Variants in PEX6 observed in about 807,000 individuals in gnomAD.
PEX6 encodes the protein peroxisome biogenesis factor 6.
In PEX6, 55 loss-of-function variants were observed where a neutral mutation model predicts 85.6. The observed-to-expected ratio is 0.64, with a 90% CI of 0.52 to 0.80. The LOEUF is 0.80. Among genes scored for constraint, PEX6 ranks in the 30% least tolerant of loss-of-function variants. PEX6 has a pLI of 0.00. For synonymous variants in PEX6, 519 were observed against 549.1 expected (o/e 0.95, Z 0.77); for missense variants, 1,099 against 1,260.3 (o/e 0.87, Z 1.94).
At chr6:42,968,544 A>C in intron 6 of PEX6, 46 bp from the exon 7 acceptor site, 1 of 1,488,630 alleles carries the variant, frequency 6.7e-7, no homozygotes, top group Non-Finnish European at 9.2e-7. Context: ...GGAAAGCATG[A>C]CAAGGGCAGG....
At chr6:42,972,245 A>C (rs1770085370) in intron 3 of PEX6, among the ~76,000 whole-genome samples, 1 of 152,242 alleles carries the variant, frequency 6.6e-6, no homozygotes, top group South Asian at 2.1e-4. Context: ...AAACTGCTGC[A>C]GGAAATGAGT....
Position 42,964,814 on chromosome 6 carries a change from G to A in PEX6, c.2782C>T (p.Arg928Cys), listed in dbSNP as rs374531242. The change falls in exon 16 of 17, where the codon CGC becomes TGC. Residue 928 changes from arginine to cysteine, a missense_variant. Arg to Cys is a radical substitution (Grantham distance 180). Transcript: ENST00000304611. This position sits in a 1 kb window ranked among gnomAD's most constrained non-coding sequence, Gnocchi z 4.6. The stretch of plus-strand genomic sequence containing the variant: ...CCTTCCTCCAGGTCATGAACCCTGC[G>A]TTTGAGGGCAGCTGTCATAGCATCA... ...CSDAMTAALKRRVHDLEEGLE... is the reference protein window; with the variant it reads ...CSDAMTAALKCRVHDLEEGLE... The A allele has an allele frequency of 1.7e-5, 27 of 1,613,978 alleles. No homozygotes were observed. Among genetic ancestry groups the A allele is most frequent in the African/African-American group, 6.7e-5 (5 of 74,890 alleles).
Position 42,974,922 on chromosome 6 carries a change from A to G in PEX6, c.999T>C (p.Thr333=), listed in dbSNP as rs2150236010. Residue 333 remains threonine, a synonymous_variant, in exon 2 of 17, where the codon ACT becomes ACC. Coordinates refer to ENST00000304611, the MANE Select transcript of PEX6 (RefSeq NM_000287.4). ...AAAGAACACCGTCATAATTTCCATT[A>G]GTGCTGTAGTGGGGAGAAGACACAA... The part of the protein sequence containing the change: ...IEIVSSPHYS[T]NGNYDGVLYR... 1.2e-6 allele frequency: 2 copies of G among 1,614,058 alleles called. No homozygotes were observed. Among genetic ancestry groups the G allele is most frequent in the Non-Finnish European group, 1.7e-6 (2 of 1,179,926 alleles).
chr6:42,967,534 G>T lies in PEX6; in HGVS notation c.1718C>A (p.Thr573Lys). 1 of 1,605,458 alleles carries T rather than the reference G, an allele frequency of 6.2e-7. No homozygotes were observed. The highest frequency in any genetic ancestry group is 1.3e-5 in the African/African-American group (1 of 74,926). Reference protein sequence around the residue: ...SCPPLMVVATTSRAQDLPADV... With the variant: ...SCPPLMVVATKSRAQDLPADV... Reference sequence around the variant, plus strand: ...AGCAGGCAGGTCCTGGGCCCGGCTTGTGGTGGCCACAACCATGAGGGGAGG... The same window carrying T: ...AGCAGGCAGGTCCTGGGCCCGGCTTTTGGTGGCCACAACCATGAGGGGAGG... Residue 573 changes from threonine to lysine, a missense_variant, in exon 8 of 17, where the codon ACA becomes AAA. Thr to Lys is a moderately conservative substitution (Grantham distance 78). Around this residue, in one of 3 missense-constraint regions of PEX6, gnomAD observed 514 missense variants for 627.0 expected, o/e 0.82. Transcript: ENST00000304611.
rs1769751306 is a variant in PEX6, at chr6:42,965,535, T to C, written c.2471+146A>G. 7 of 891,008 alleles carry C rather than the reference T, an allele frequency of 7.9e-6. No individual in the cohort carries two copies. Among genetic ancestry groups the C allele is most frequent in the Non-Finnish European group, 1.3e-5 (7 of 525,332 alleles). The allele number at this position is 891,008 out of a possible 1,614,324, so 55.2% of individuals were successfully genotyped here. On this transcript the variant is annotated intron_variant, in intron 13 of 16. Coordinates refer to ENST00000304611, the MANE Select transcript of PEX6 (RefSeq NM_000287.4). The surrounding 1 kb of genome is among the most constrained non-coding windows in gnomAD (Gnocchi z 5.0). ...TTCTCCTCAGTGGACCCTGCCCAATTTCATGGCCCCTTTCAGCTTCCATTA... is the reference window on the plus strand; with the variant it reads ...TTCTCCTCAGTGGACCCTGCCCAATCTCATGGCCCCTTTCAGCTTCCATTA...
Position 42,969,937 on chromosome 6 carries a change from T to C in PEX6, c.1181A>G (p.Asp394Gly), listed in dbSNP as rs748155406. Residue 394 changes from aspartate (D) to glycine (G), a missense_variant, in exon 4 of 17, where the codon GAT becomes GGT. Transcript: ENST00000304611. The part of the protein sequence containing the change: ...KVKKTVGEAP[D>G]GPASAYLADT... The stretch of plus-strand genomic sequence containing the variant: ...GGCCAAGTAGGCACTGGCTGGTCCA[T>C]CTGGAGCTTCCCCAACTGTTTTCTT... 1 of 1,614,218 alleles carries C rather than the reference T, an allele frequency of 6.2e-7. No individual in the cohort carries two copies. The highest frequency in any genetic ancestry group is 1.3e-5 in the African/African-American group (1 of 75,056).
In PEX6 at chr6:42,969,771, G is replaced by T. The variant is rs1322472535; in HGVS notation, c.1264C>A (p.Leu422Ile). 1 of 1,613,836 alleles carries T rather than the reference G, an allele frequency of 6.2e-7. No individual in the cohort carries two copies. Among genetic ancestry groups the T allele is most frequent in the African/African-American group, 1.3e-5 (1 of 74,914 alleles). ...CAGAGAGTGGATTCCTCTGAAGGGAGCCATGGAACAGGGCTCAGGGTAGAA... is the reference window on the plus strand; with the variant it reads ...CAGAGAGTGGATTCCTCTGAAGGGATCCATGGAACAGGGCTCAGGGTAGAA... The part of the protein sequence containing the change: ...VGSTLSPVPW[L>I]PSEESTLWSS... Residue 422 changes from leucine (L) to isoleucine (I), a missense_variant, in exon 5 of 17, where the codon CTC (leucine) becomes ATC (isoleucine). By Grantham distance (5) the Leu-to-Ile change is conservative. Around this residue, in one of 3 missense-constraint regions of PEX6, gnomAD observed 579 missense variants for 611.6 expected, o/e 0.95. Coordinates refer to ENST00000304611, the MANE Select transcript of PEX6 (RefSeq NM_000287.4).
chr6:42,964,485 G>A lies in PEX6; in HGVS notation c.2807-14C>T. The A allele has an allele frequency of 1.2e-6, 2 of 1,612,872 alleles. No individual in the cohort carries two copies. Among genetic ancestry groups the A allele is most frequent in the Non-Finnish European group, 1.7e-6 (2 of 1,179,950 alleles). ...CTGGCTCCAGCCCTGGAGATGACAAGGTGGGGAGGCTGTGGTCTATGCCCA... is the reference window on the plus strand; with the variant it reads ...CTGGCTCCAGCCCTGGAGATGACAAAGTGGGGAGGCTGTGGTCTATGCCCA... On this transcript the variant is annotated splice_polypyrimidine_tract_variant and intron_variant, in intron 16 of 16. Transcript: ENST00000304611. The surrounding 1 kb of genome is among the most constrained non-coding windows in gnomAD (Gnocchi z 4.6).
In PEX6 at chr6:42,978,681, A is replaced by G. The variant is rs1458074714; in HGVS notation, c.470T>C (p.Val157Ala). The change falls in exon 1 of 17, where the codon GTG becomes GCG. Residue 157 changes from valine to alanine, a missense_variant. Coordinates refer to ENST00000304611, the MANE Select transcript of PEX6 (RefSeq NM_000287.4). ...TCTGGCCCGCCCGCGGAGCTCAGTC[A>G]CAGCCAGCCGAGTCCCTGGGCCCAG... ...GLLGPGTRLA[V>A]TELRGRARLC... The G allele has an allele frequency of 1.3e-6, 2 of 1,555,530 alleles. No homozygotes were observed. The highest frequency in any genetic ancestry group is 3.8e-5 in the Admixed American group (2 of 52,324).
Position 42,964,411 on chromosome 6 carries a change from G to A in PEX6, c.2867C>T (p.Ala956Val), listed in dbSNP as rs200115671. The part of the protein sequence containing the change: ...LTMEDLLQAA[A>V]RLQPSVSEQE... ...CTCACTGACTGAGGGTTGCAGCCGG[G>A]CGGCAGCCTGCAGCAAGTCCTCCAT... Residue 956 changes from alanine (A) to valine (V), a missense_variant, in exon 17 of 17, where the codon GCC becomes GTC. By Grantham distance (64) the Ala-to-Val change is moderately conservative (BLOSUM62 0). Around this residue, in one of 3 missense-constraint regions of PEX6, gnomAD observed 514 missense variants for 627.0 expected, o/e 0.82. Coordinates refer to ENST00000304611, the MANE Select transcript of PEX6 (RefSeq NM_000287.4). This position sits in a 1 kb window ranked among gnomAD's most constrained non-coding sequence, Gnocchi z 4.6. 174 of 1,613,832 alleles carry A rather than the reference G, an allele frequency of 1.1e-4. 2 individuals carry two copies. The East Asian group carries it at 3.0e-3, about 28-fold the overall frequency.
chr6:42,977,914 G>C (rs181207351), intron 1 of PEX6, among the ~76,000 whole-genome samples: 3,394 of 146,062 alleles, frequency 0.023, 59 homozygotes, highest in Non-Finnish European at 0.034. Context: ...CGCGATCTTG[G>C]CTCACCGCAA....
chr6:42,973,865 C>T lies in PEX6; in HGVS notation c.1130+138G>A, dbSNP rs1770155859. ...GGTAACAGAGCAAGAACCTGTTACA[C>T]ACACACACGCACACACAAAATACAT... On this transcript the variant is annotated intron_variant, in intron 3 of 16. Transcript: ENST00000304611. 4.3e-6 allele frequency: 3 copies of T among 693,514 alleles called. No individual in the cohort carries two copies. The South Asian group carries it at 4.5e-5, about 10-fold the overall frequency. 43.0% of individuals were successfully genotyped at this position (693,514 alleles called of 1,614,324 possible).
At chr6:42,975,443 T>G (rs563845674) in intron 1 of PEX6, among the ~76,000 whole-genome samples, 1 of 152,166 alleles carries the variant, frequency 6.6e-6, no homozygotes, top group Non-Finnish European at 1.5e-5. Flanking sequence ...GGTTCAGTCA[T>G]TGGTTGGTTC....
chr6:42,968,898 A>G lies in PEX6; in HGVS notation c.1455T>C (p.Ser485=), dbSNP rs749798782. The change falls in exon 6 of 17, where the codon AGT becomes AGC. Residue 485 remains serine (S), a synonymous_variant. Coordinates refer to ENST00000304611, the MANE Select transcript of PEX6 (RefSeq NM_000287.4). The part of the protein sequence containing the change: ...GKTTVVAAAC[S]HLGLHLLKVP... ...CCTTCAGTAAGTGGAGCCCAAGGTG[A>G]CTACAGGCAGCAGCAACTACTGTGG... 17 of 1,613,856 alleles carry G rather than the reference A, an allele frequency of 1.1e-5. No individual in the cohort carries two copies. The highest frequency in any genetic ancestry group is 1.4e-5 in the Non-Finnish European group (16 of 1,179,856).
Position 42,969,023 on chromosome 6 carries a change from G to A in PEX6, c.1368-38C>T, listed in dbSNP as rs186064019. On this transcript the variant is annotated intron_variant, in intron 5 of 16. Transcript: ENST00000304611. ...AACAGACATTCGTCTCCTTCATTTT[G>A]CCCAAACATTAGAGTCCCCAGTAAC... 9 of 1,427,704 alleles carry A rather than the reference G, an allele frequency of 6.3e-6. No individual in the cohort carries two copies. The East Asian group carries it at 2.0e-4, about 32-fold the overall frequency. 88.4% of individuals were successfully genotyped at this position (1,427,704 alleles called of 1,614,324 possible).
rs918969564 is a variant in PEX6, at chr6:42,979,102, G to A, written c.49C>T (p.Pro17Ser). The A allele has an allele frequency of 6.4e-7, 1 of 1,561,494 alleles. No homozygotes were observed. The highest frequency in any genetic ancestry group is 8.6e-7 in the Non-Finnish European group (1 of 1,162,342). The part of the protein sequence containing the change: ...RVLEPFPTET[P>S]PLAVLLPPGG... ...GGTGGCAGCAGCACTGCCAACGGGG[G>A]TGTCTCGGTCGGAAAGGGCTCCAGG... is the stretch of plus-strand genomic sequence containing the variant. Residue 17 changes from proline (P) to serine (S), a missense_variant, in exon 1 of 17, where the codon CCC becomes TCC. Pro to Ser is a moderately conservative substitution (Grantham distance 74). Transcript: ENST00000304611.
At position 42,978,659 on chromosome 6, in the gene PEX6, G is replaced by A; in HGVS notation, c.492C>T (p.Ala164=). The change falls in exon 1 of 17, where the codon GCC becomes GCT. Residue 164 remains alanine, a synonymous_variant. Transcript: ENST00000304611. ...RLAVTELRGR[A]RLCPESGDSS... ...TGTCCCCAGACTCTGGACACAGTCTGGCCCGCCCGCGGAGCTCAGTCACAG... is the reference window on the plus strand; with the variant it reads ...TGTCCCCAGACTCTGGACACAGTCTAGCCCGCCCGCGGAGCTCAGTCACAG... 6.4e-7 allele frequency: 1 copy of A among 1,568,892 alleles called. No individual in the cohort carries two copies.
intron 1 of PEX6, among the ~76,000 whole-genome samples, chr6:42,976,221 C>T (rs115884831): frequency 0.013 from 1,933 of 152,070 alleles, 39 homozygotes; most frequent in African/African-American, 0.042. Flanking sequence ...GCCAGGCTTA[C>T]TTTATTTAGT....
chr6:42,964,027 T>C lies in PEX6; in HGVS notation c.*308A>G, dbSNP rs989701319. 2 of 532,684 alleles carry C rather than the reference T, an allele frequency of 3.8e-6. No individual in the cohort carries two copies. The highest frequency in any genetic ancestry group is 3.8e-5 in the African/African-American group (2 of 52,122). The allele number at this position is 532,684 out of a possible 1,614,324, so 33.0% of individuals were successfully genotyped here. A position where few individuals can be genotyped will look rare whatever the true frequency, so the allele number is the denominator to read the frequency against. On this transcript the variant is annotated 3_prime_UTR_variant, in exon 17 of 17. Coordinates refer to ENST00000304611, the MANE Select transcript of PEX6 (RefSeq NM_000287.4). The surrounding 1 kb of genome is among the most constrained non-coding windows in gnomAD (Gnocchi z 4.6). ...CACCAGTAGGGGGCGGGACATGCTT[T>C]ATTTTCAGCCACAGAACTAGCCCTC...
Sources: gnomAD v4.1 joint callset for allele counts (sites outside exome capture counted in the v4.1 genomes callset) on GRCh38, gnomAD v4.1.1 for gene constraint, gnomAD v4.1.1 regional missense constraint, Gnocchi (gnomAD v3.1) non-coding constraint, MANE v1.5 for transcripts, NCBI Gene and HGNC (gene_info 2026-07-23, HGNC 2026-07-21) for gene names.